The following TET3 variants were observed in gnomAD, a reference collection of about 807,000 sequenced individuals.
TET3 encodes the protein methylcytosine dioxygenase TET3.
Under a neutral mutation model 141.4 loss-of-function variants are expected in TET3, and 19 were observed. The ratio of observed to expected loss-of-function variants is 0.13; its 90% CI spans 0.09 to 0.20. The LOEUF is 0.20. Among genes scored for constraint, TET3 ranks in the 10% least tolerant of loss-of-function variants. TET3 has a pLI of 1.00. For missense variants in TET3, 1,874 were observed against 2,356.9 expected (o/e 0.80, Z 4.24); for synonymous variants, 1,043 against 980.9 (o/e 1.06, Z -1.18).
chr2:74,079,115 G>A (rs965399067), intron 5 of TET3, among the ~76,000 whole-genome samples: 1 of 152,216 alleles, frequency 6.6e-6, no homozygotes, highest in Middle Eastern at 3.2e-3. Flanking sequence ...TCGGGAGGCC[G>A]AGGCGGGTGG....
downstream of TET3, among the ~76,000 whole-genome samples, chr2:74,108,332 C>G (rs1209421015): frequency 6.6e-6 from 1 of 152,176 alleles, no homozygotes; most frequent in African/African-American, 2.4e-5. Context: ...CATTCTGCCA[C>G]CTGGATAAAG....
At position 74,093,579 on chromosome 2, in the gene TET3, A is replaced by G; in HGVS notation, c.3180A>G (p.Gly1060=). 2 of 1,613,520 alleles carry G rather than the reference A, an allele frequency of 1.2e-6. No individual in the cohort carries two copies. Among genetic ancestry groups the G allele is most frequent in the Non-Finnish European group, 1.7e-6 (2 of 1,179,660 alleles). Residue 1060 remains glycine, a synonymous_variant, in exon 10 of 12, where the codon GGA becomes GGG. Transcript: ENST00000409262. This position sits in a 1 kb window ranked among gnomAD's most constrained non-coding sequence, Gnocchi z 4.2. The stretch of plus-strand genomic sequence containing the variant: ...ACTGCCGTCTGGGGCTGAAGGAAGG[A>G]CGGCCCTTCGCGGGGGTCACGGCCT... ...AIDCRLGLKE[G]RPFAGVTACM...
At chr2:74,099,667 G>A in intron 11 of TET3, 55 bp downstream of exon 11, 1 of 1,466,326 alleles carries the variant, frequency 6.8e-7, no homozygotes, top group Non-Finnish European at 9.1e-7. Context: ...CCTCATGGGG[G>A]CCCCTGCTCT....
At chr2:74,084,207 C>G (rs546023045) in intron 6 of TET3, among the ~76,000 whole-genome samples, 154 of 152,314 alleles carry the variant, frequency 1.0e-3, no homozygotes, top group Non-Finnish European at 1.5e-3. Context: ...CTTTCAAAGT[C>G]TGAAGGAAAT....
At chr2:74,090,823 C>G (rs1158850267) in intron 8 of TET3, among the ~76,000 whole-genome samples, 1 of 152,234 alleles carries the variant, frequency 6.6e-6, no homozygotes, top group Non-Finnish European at 1.5e-5. Context: ...ACAAGCCTAT[C>G]CAGGTTGTCT....
chr2:74,034,238 T>G (rs1214897453), intron 3 of TET3, among the ~76,000 whole-genome samples: 1 of 147,564 alleles, frequency 6.8e-6, no homozygotes, highest in Admixed American at 6.7e-5. Context: ...AAGGTATGGC[T>G]GTATTATAGT....
chr2:74,003,427 T>G (rs1558701636), intron 3 of TET3, among the ~76,000 whole-genome samples: 3 of 149,962 alleles, frequency 2.0e-5, no homozygotes, highest in Non-Finnish European at 3.0e-5. Context: ...TTGAACTGTT[T>G]TTTTTTTTTT....
chr2:74,100,306 G>A (rs1433255583), intron 11 of TET3, 87 bp from the exon 12 acceptor site: 1 of 1,341,464 alleles, frequency 7.5e-7, no homozygotes, highest in Non-Finnish European at 1.0e-6. Context: ...GGGAAAGAGG[G>A]AGGGTCCATC....
In TET3 at chr2:74,047,755, G is replaced by A; in HGVS notation, c.1838G>A (p.Arg613Lys). 3 of 1,613,762 alleles carry A rather than the reference G, an allele frequency of 1.9e-6. No individual in the cohort carries two copies. Among genetic ancestry groups the A allele is most frequent in the Non-Finnish European group, 2.5e-6 (3 of 1,179,810 alleles). The change falls in exon 4 of 12, where the codon AGG (arginine) becomes AAG (lysine). Residue 613 changes from arginine to lysine, a missense_variant. Physicochemically the swap from Arg to Lys is conservative, Grantham distance 26. Coordinates refer to ENST00000409262, the MANE Select transcript of TET3 (RefSeq NM_001287491.2). ...VRKPIQIKKS[R>K]PREAQPLFPP... ...AAGCCCATTCAGATCAAGAAGTCCAGGCCCCGGGAAGCACAGCCCCTCTTC... is the reference window on the plus strand; with the variant it reads ...AAGCCCATTCAGATCAAGAAGTCCAAGCCCCGGGAAGCACAGCCCCTCTTC...
chr2:74,032,283 C>T (rs1686735493), intron 3 of TET3, among the ~76,000 whole-genome samples: 2 of 151,990 alleles, frequency 1.3e-5, no homozygotes, highest in African/African-American at 4.8e-5. Flanking sequence ...GCCTATTAGA[C>T]TTTTGGGGTA....
chr2:74,104,642 G>A lies in TET3; in HGVS notation c.*2466G>A, dbSNP rs1285731398. On this transcript the variant is annotated 3_prime_UTR_variant, in exon 12 of 12. Coordinates refer to ENST00000409262, the MANE Select transcript of TET3 (RefSeq NM_001287491.2). ...GTTGGCTGTTGGTTTGGAAGGTCCC[G>A]AGTGTAACCCAGGTGATTCTGATAC... 1 of 152,350 alleles carries A rather than the reference G, an allele frequency of 6.6e-6. No homozygotes were observed. The highest frequency in any genetic ancestry group is 1.5e-5 in the Non-Finnish European group (1 of 68,166). The allele number at this position is 152,350 out of a possible 1,614,324, so 9.4% of individuals were successfully genotyped here. A position where few individuals can be genotyped will look rare whatever the true frequency, so the allele number is the denominator to read the frequency against.
Position 74,048,240 on chromosome 2 carries a change from T to A in TET3, c.2323T>A (p.Ser775Thr), listed in dbSNP as rs377761656. 6.2e-7 allele frequency: 1 copy of A among 1,613,466 alleles called. No homozygotes were observed. Among genetic ancestry groups the A allele is most frequent in the South Asian group, 1.1e-5 (1 of 91,028 alleles). ...TGTGCTCTCAACCACCTGCTTCCATTCAGAGGAGGGAGGACAGGAGGCCAC... is the reference window on the plus strand; with the variant it reads ...TGTGCTCTCAACCACCTGCTTCCATACAGAGGAGGGAGGACAGGAGGCCAC... ...VTVLSTTCFH[S>T]EEGGQEATPT... The change falls in exon 4 of 12, where the codon TCA becomes ACA. Residue 775 changes from serine to threonine, a missense_variant. Ser to Thr is a moderately conservative substitution (Grantham distance 58). Coordinates refer to ENST00000409262, the MANE Select transcript of TET3 (RefSeq NM_001287491.2).
At chr2:74,078,630 G>A (rs1689643248) in intron 5 of TET3, among the ~76,000 whole-genome samples, 1 of 152,150 alleles carries the variant, frequency 6.6e-6, no homozygotes, top group South Asian at 2.1e-4. Flanking sequence ...TGTTCCTAAA[G>A]CTTGGTGCAT....
At chr2:74,017,883 G>A (rs1055392961) in intron 3 of TET3, among the ~76,000 whole-genome samples, 2 of 150,996 alleles carry the variant, frequency 1.3e-5, no homozygotes, top group Non-Finnish European at 2.9e-5. Flanking sequence ...CCCTTTCTCC[G>A]CATCCTCACC....
At chr2:74,000,292 A>T (rs1001923645) in intron 2 of TET3, among the ~76,000 whole-genome samples, 4 of 152,158 alleles carry the variant, frequency 2.6e-5, no homozygotes, top group African/African-American at 4.8e-5. Context: ...TTGGCTCAGC[A>T]CATTCCAGCT....
At chr2:74,002,366 C>T (rs1684892568) in intron 2 of TET3, among the ~76,000 whole-genome samples, 1 of 140,792 alleles carries the variant, frequency 7.1e-6, no homozygotes, top group African/African-American at 2.5e-5. Context: ...CGGGAATCCC[C>T]CCCCACCCCC....
intron 10 of TET3, 67 bp from the exon 11 acceptor site, chr2:74,099,209 C>G (rs374727715): frequency 2.7e-5 from 38 of 1,425,786 alleles, no homozygotes; most frequent in Middle Eastern, 2.3e-4. Flanking sequence ...TTTGGGTGCT[C>G]AGACCCCTCT....
At chr2:74,096,523 T>G (rs759422288) in intron 10 of TET3, among the ~76,000 whole-genome samples, 2 of 151,786 alleles carry the variant, frequency 1.3e-5, no homozygotes, top group African/African-American at 2.4e-5. Context: ...TCCCAGCACT[T>G]TGGGAGGCTG....
At chr2:74,061,343 G>C (rs1257810102) in intron 4 of TET3, among the ~76,000 whole-genome samples, 2 of 131,964 alleles carry the variant, frequency 1.5e-5, no homozygotes, top group Non-Finnish European at 3.3e-5. Context: ...CTCACCTCCC[G>C]GACGGGGCGG....
Sources: allele counts gnomAD v4.1 joint callset (sites outside exome capture counted in the v4.1 genomes callset), GRCh38; gene constraint gnomAD v4.1.1; non-coding constraint Gnocchi (gnomAD v3.1); transcripts MANE v1.5; gene names NCBI Gene and HGNC (gene_info 2026-07-23, HGNC 2026-07-21).